Variants in GRM8 observed in about 807,000 individuals in gnomAD.
The protein encoded by GRM8 is glutamate metabotropic receptor 8.
A neutral mutation model predicts 87.2 loss-of-function variants in GRM8; 47 were observed. The observed-to-expected ratio is 0.54, with a 90% CI of 0.43 to 0.69. GRM8 has a LOEUF of 0.69. Ranked by LOEUF, GRM8 falls within the 30% of genes least tolerant of loss-of-function variation. The probability of loss-of-function intolerance (pLI) is 0.00; values close to 1 mark genes in which losing one functional copy is unlikely to be tolerated. For synonymous variants in GRM8, 396 were observed against 404.5 expected (o/e 0.98, Z 0.25); for missense variants, 1,019 against 1,139.2 (o/e 0.89, Z 1.52).
chr7:127,243,321 G>A lies in GRM8; in HGVS notation c.-117C>T. 2 of 859,314 alleles carry A rather than the reference G, an allele frequency of 2.3e-6. No homozygotes were observed. Among genetic ancestry groups the A allele is most frequent in the Non-Finnish European group, 3.6e-6 (2 of 558,210 alleles). 53.2% of individuals were successfully genotyped at this position (859,314 alleles called of 1,614,324 possible). A position where few individuals can be genotyped will look rare whatever the true frequency, so the allele number is the denominator to read the frequency against. ...TACCATCAGGGCCCATGGGGAAAAG[G>A]CTCTGTGGGCATTAGCAAGTTTTCT... On this transcript the variant is annotated 5_prime_UTR_variant, in exon 2 of 11. Coordinates refer to ENST00000339582, the MANE Select transcript of GRM8 (RefSeq NM_000845.3).
chr7:126,577,223 A>G (rs775957574), intron 8 of GRM8, among the ~76,000 whole-genome samples: 23 of 152,306 alleles, frequency 1.5e-4, no homozygotes, highest in Admixed American at 4.6e-4. Flanking sequence ...TCCTTCCTCC[A>G]TCCTGAATGG....
At chr7:126,468,584 C>T (rs1804778726) in intron 9 of GRM8, among the ~76,000 whole-genome samples, 1 of 152,070 alleles carries the variant, frequency 6.6e-6, no homozygotes, top group Non-Finnish European at 1.5e-5. Flanking sequence ...TCTATTCCTT[C>T]ATTATCTGTC....
At chr7:127,108,373 A>T (rs1826012156) in intron 2 of GRM8, among the ~76,000 whole-genome samples, 2 of 152,156 alleles carry the variant, frequency 1.3e-5, no homozygotes. Flanking sequence ...GTGCATTCCT[A>T]TATCCTAACG....
intron 8 of GRM8, among the ~76,000 whole-genome samples, chr7:126,572,615 A>G (rs1006950181): frequency 6.6e-6 from 1 of 152,236 alleles, no homozygotes; most frequent in Non-Finnish European, 1.5e-5. Context: ...TTGAAATGTA[A>G]GCCAGAATAA....
chr7:127,078,408 T>C (rs1040013575), intron 3 of GRM8, among the ~76,000 whole-genome samples: 3 of 152,226 alleles, frequency 2.0e-5, no homozygotes, highest in Non-Finnish European at 4.4e-5. Flanking sequence ...TTAATAATCC[T>C]TGTAGAATGA....
chr7:127,022,038 T>A (rs142192938), intron 3 of GRM8, among the ~76,000 whole-genome samples: 1 of 152,256 alleles, frequency 6.6e-6, no homozygotes, highest in Non-Finnish European at 1.5e-5. Context: ...ACTGCTCTTA[T>A]CAGTTCTAAC....
chr7:126,676,152 A>T (rs1181320073), intron 7 of GRM8, among the ~76,000 whole-genome samples: 1 of 152,198 alleles, frequency 6.6e-6, no homozygotes, highest in Non-Finnish European at 1.5e-5. Context: ...CAAAGAACAA[A>T]TGAACCTAGG....
chr7:126,614,785 T>G (rs1290742331), intron 7 of GRM8, among the ~76,000 whole-genome samples: 1 of 152,032 alleles, frequency 6.6e-6, no homozygotes, highest in African/African-American at 2.4e-5. Flanking sequence ...TGATTGAAGA[T>G]CAAATGAATG....
chr7:127,191,417 G>A (rs1389804364), intron 2 of GRM8, among the ~76,000 whole-genome samples: 2 of 152,154 alleles, frequency 1.3e-5, no homozygotes, highest in Non-Finnish European at 2.9e-5. Flanking sequence ...TAGTTCCAGA[G>A]AATATAATGA....
At chr7:126,905,445 A>G (rs752430345) in intron 3 of GRM8, among the ~76,000 whole-genome samples, 8 of 152,236 alleles carry the variant, frequency 5.3e-5, no homozygotes, top group Non-Finnish European at 1.0e-4. Flanking sequence ...CCCCAGTTGC[A>G]GTGAAACAGA....
intron 7 of GRM8, among the ~76,000 whole-genome samples, chr7:126,745,392 A>ATATATTATATTATATTATATTATAT (rs71312851): frequency 0.23 from 33,520 of 146,020 alleles, 4,619 homozygotes; most frequent in Non-Finnish European, 0.3. Context: ...AGACATAGTC[A>ATATATTATATTATATTATATTATAT]TATATTATAT....
At chr7:127,075,264 G>A (rs1436588334) in intron 3 of GRM8, among the ~76,000 whole-genome samples, 4 of 152,058 alleles carry the variant, frequency 2.6e-5, no homozygotes, top group African/African-American at 4.8e-5. Flanking sequence ...TTAATCACAG[G>A]TAACAAATAG....
intron 2 of GRM8, among the ~76,000 whole-genome samples, chr7:127,203,542 C>A (rs1271307282): frequency 6.6e-6 from 1 of 151,814 alleles, no homozygotes; most frequent in Non-Finnish European, 1.5e-5. Context: ...ACCCTGTCTA[C>A]ACTAAAAATA....
chr7:127,245,749 T>C (rs1798552273), intron 1 of GRM8, among the ~76,000 whole-genome samples: 1 of 152,226 alleles, frequency 6.6e-6, no homozygotes, highest in Non-Finnish European at 1.5e-5. Flanking sequence ...GGTTCAGTTT[T>C]GGTTTCATTT....
At chr7:126,530,115 C>T (rs544773786) in intron 9 of GRM8, among the ~76,000 whole-genome samples, 1 of 152,326 alleles carries the variant, frequency 6.6e-6, no homozygotes, top group South Asian at 2.1e-4. Context: ...ATAACTGCTA[C>T]AAGTGTCCTT....
At chr7:126,506,229 T>TTG (rs777722039) in intron 9 of GRM8, among the ~76,000 whole-genome samples, 11 of 151,508 alleles carry the variant, frequency 7.3e-5, no homozygotes, top group Middle Eastern at 3.4e-3. Flanking sequence ...ACACGTATGA[T>TTG]TGTGTGTGTG....
chr7:127,000,988 A>G (rs1343395510), intron 3 of GRM8, among the ~76,000 whole-genome samples: 1 of 151,654 alleles, frequency 6.6e-6, no homozygotes, highest in African/African-American at 2.4e-5. Context: ...AAATCATTTG[A>G]AAAGAACTAA....
intron 2 of GRM8, among the ~76,000 whole-genome samples, chr7:127,133,268 A>C (rs1827781772): frequency 6.6e-6 from 1 of 152,102 alleles, no homozygotes; most frequent in Non-Finnish European, 1.5e-5. Flanking sequence ...AAATACAAAA[A>C]TTAGCCGGGC....
intron 3 of GRM8, among the ~76,000 whole-genome samples, chr7:126,969,374 C>A (rs1253254335): frequency 6.6e-6 from 1 of 152,196 alleles, no homozygotes; most frequent in Admixed American, 6.6e-5. Context: ...TCAGACCCTG[C>A]CACTGCTTCA....
Sources: gnomAD v4.1 joint callset for allele counts (sites outside exome capture counted in the v4.1 genomes callset) on GRCh38, gnomAD v4.1.1 for gene constraint, MANE v1.5 for transcripts, NCBI Gene and HGNC (gene_info 2026-07-23, HGNC 2026-07-21) for gene names.